The following IL2RA variants were observed in gnomAD, a reference collection of about 807,000 sequenced individuals.
IL2RA encodes the protein interleukin 2 receptor subunit alpha.
IL2RA carries 24 observed loss-of-function variants against 37.8 expected under a neutral mutation model. The ratio of observed to expected loss-of-function variants is 0.63; its 90% CI spans 0.46 to 0.89. The LOEUF is 0.89. Among genes scored for constraint, IL2RA ranks in the 40% least tolerant of loss-of-function variants. IL2RA has a pLI of 0.00. For synonymous variants in IL2RA, 125 were observed against 114.6 expected, an observed-to-expected ratio of 1.09 and a Z score of -0.58; for missense variants, 319 against 348.6, an observed-to-expected ratio of 0.92 and a Z score of 0.68.
In IL2RA at chr10:6,058,237, A is replaced by G. The variant is rs1237925671; in HGVS notation, c.64+3851T>C. 6.6e-6 allele frequency among the ~76,000 whole-genome samples: 1 copy of G among 152,174 alleles called. No individual in the cohort carries two copies. The highest frequency in any genetic ancestry group is 6.5e-5 in the Admixed American group (1 of 15,272). ...TCAGGGGAGTGGGGTGGAGTAGTGG[A>G]GTTTTAGAGCTCAGCAACCGTTCTA... On this transcript the variant is annotated intron_variant, in intron 1 of 7. Transcript: ENST00000379959. This position sits in a 1 kb window ranked among gnomAD's most constrained non-coding sequence, Gnocchi z 4.2.
chr10:6,053,432 C>A (rs1839994226), intron 1 of IL2RA, among the ~76,000 whole-genome samples: 1 of 152,152 alleles, frequency 6.6e-6, no homozygotes, highest in Admixed American at 6.5e-5. Flanking sequence ...AGCTAGTGTT[C>A]AAATGTTTTC....
intron 1 of IL2RA, among the ~76,000 whole-genome samples, chr10:6,031,266 G>C (rs993563770): frequency 6.6e-6 from 1 of 151,124 alleles, no homozygotes; most frequent in Non-Finnish European, 1.5e-5. Context: ...GAGAAAACAG[G>C]ATAGAAAAAG....
At chr10:6,042,148 C>CAAAAACAAAAAAAAAAAA (rs1839781822) in intron 1 of IL2RA, among the ~76,000 whole-genome samples, 1 of 54,132 alleles carries the variant, frequency 1.8e-5, no homozygotes, top group Non-Finnish European at 3.1e-5. Flanking sequence ...ATGTATTAAG[C>CAAAAACAAAAAAAAAAAA]AAAAAAAAAA....
Position 6,012,974 on chromosome 10 carries a change from C to T in IL2RA, c.795-78G>A, listed in dbSNP as rs1040915228. 5.8e-5 allele frequency: 77 copies of T among 1,322,714 alleles called. No homozygotes were observed. Among genetic ancestry groups the T allele is most frequent in the Non-Finnish European group, 7.9e-5 (72 of 914,704 alleles). 81.9% of individuals were successfully genotyped at this position (1,322,714 alleles called of 1,614,324 possible). A position where few individuals can be genotyped will look rare whatever the true frequency, so the allele number is the denominator to read the frequency against. ...ATGTGGTCCTCACTCTAAACCAGTG[C>T]ACACGCCACCATGCCTGGCTAATTT... On this transcript the variant is annotated intron_variant, in intron 7 of 7. Transcript: ENST00000379959. This position sits in a 1 kb window ranked among gnomAD's most constrained non-coding sequence, Gnocchi z 4.8.
At chr10:6,030,123 A>G (rs1446072107) in intron 1 of IL2RA, among the ~76,000 whole-genome samples, 1 of 152,252 alleles carries the variant, frequency 6.6e-6, no homozygotes, top group South Asian at 2.1e-4. Flanking sequence ...GAAATCTGAA[A>G]AAGAATGGAC....
intron 1 of IL2RA, among the ~76,000 whole-genome samples, chr10:6,031,348 A>G (rs1335691808): frequency 1.3e-5 from 2 of 150,472 alleles, no homozygotes; most frequent in South Asian, 2.1e-4. Context: ...ATTTCAAGAT[A>G]AGGAACATTA....
At chr10:6,024,467 T>C in intron 2 of IL2RA, 113 bp from the exon 3 acceptor site, 1 of 773,294 alleles carries the variant, frequency 1.3e-6, no homozygotes, top group Admixed American at 2.1e-5. Context: ...ACGATGTGTC[T>C]GGTGGTGTCT....
chr10:6,038,580 G>A (rs970541216), intron 1 of IL2RA, among the ~76,000 whole-genome samples: 7 of 152,324 alleles, frequency 4.6e-5, no homozygotes, highest in South Asian at 2.1e-4. Flanking sequence ...CAGGAGTCAC[G>A]TGAAAGTCTA....
At chr10:6,052,167 A>T (rs1261823179) in intron 1 of IL2RA, among the ~76,000 whole-genome samples, 1 of 152,110 alleles carries the variant, frequency 6.6e-6, no homozygotes, top group East Asian at 1.9e-4. Context: ...GAAGTTCAAA[A>T]TTAGTGGTGT....
At position 6,062,152 on chromosome 10, in the gene IL2RA, C is replaced by T. The variant is rs1397484733; in HGVS notation, c.-1G>A. On this transcript the variant is annotated 5_prime_UTR_variant, in exon 1 of 8. Transcript: ENST00000379959. Reference sequence around the variant, plus strand: ...CCCACATCAGCAGGTATGAATCCATCTTCCTGACCCTTGGGACCAGCCGGG... The same window carrying T: ...CCCACATCAGCAGGTATGAATCCATTTTCCTGACCCTTGGGACCAGCCGGG... 6.2e-7 allele frequency: 1 copy of T among 1,613,660 alleles called. No individual in the cohort carries two copies. The highest frequency in any genetic ancestry group is 8.5e-7 in the Non-Finnish European group (1 of 1,179,562).
At position 6,054,784 on chromosome 10, in the gene IL2RA, C is replaced by T. The variant is rs780081180; in HGVS notation, c.64+7304G>A. Among the ~76,000 whole-genome samples, 19 of 152,160 alleles carry T rather than the reference C, an allele frequency of 1.2e-4. No individual in the cohort carries two copies. Among genetic ancestry groups the T allele is most frequent in the Non-Finnish European group, 2.5e-4 (17 of 68,034 alleles). On this transcript the variant is annotated intron_variant, in intron 1 of 7. Transcript: ENST00000379959. The surrounding 1 kb of genome is among the most constrained non-coding windows in gnomAD (Gnocchi z 4.5). ...TTCTAGTTCTCCAGGTAGCATGTTA[C>T]TCTCCCTATTCTGATCATTTATGGC...
intron 1 of IL2RA, among the ~76,000 whole-genome samples, chr10:6,031,329 A>C (rs1839570936): frequency 6.6e-6 from 1 of 151,096 alleles, no homozygotes; most frequent in African/African-American, 2.4e-5. Flanking sequence ...TATTAATATC[A>C]GGAAGTAGAT....
Position 6,021,449 on chromosome 10 carries a change from T to A in IL2RA, c.583+29A>T, listed in dbSNP as rs776124635. ...GTCAGCCTGATGGAGCAAAGCAACA[T>A]TGTGGACCCCAGAAGGGAGCCACCC... is the stretch of plus-strand genomic sequence containing the variant. On this transcript the variant is annotated intron_variant, in intron 4 of 7. Coordinates refer to ENST00000379959, the MANE Select transcript of IL2RA (RefSeq NM_000417.3). The surrounding 1 kb of genome is among the most constrained non-coding windows in gnomAD (Gnocchi z 4.9). 1 of 1,583,872 alleles carries A rather than the reference T, an allele frequency of 6.3e-7. No individual in the cohort carries two copies. The highest frequency in any genetic ancestry group is 1.7e-5 in the Admixed American group (1 of 59,978).
At chr10:6,019,565 G>T (rs1839345577) in intron 5 of IL2RA, 66 bp from the exon 6 acceptor site, 4 of 1,208,022 alleles carry the variant, frequency 3.3e-6, no homozygotes, top group South Asian at 1.2e-5. Context: ...GAGGCTAAAG[G>T]AAGTCAGGGT....
At chr10:6,037,488 G>C (rs1480880336) in intron 1 of IL2RA, among the ~76,000 whole-genome samples, 1 of 152,164 alleles carries the variant, frequency 6.6e-6, no homozygotes, top group Non-Finnish European at 1.5e-5. Flanking sequence ...AGAACTTTAA[G>C]CTCTACTTGT....
chr10:6,060,235 G>A (rs546585553), intron 1 of IL2RA, among the ~76,000 whole-genome samples: 1 of 152,292 alleles, frequency 6.6e-6, no homozygotes, highest in Admixed American at 6.5e-5. Flanking sequence ...TATAAGAACG[G>A]CACGATGGAC....
In IL2RA at chr10:6,012,289, T is replaced by C. The variant is rs1445897036; in HGVS notation, c.*583A>G. 2 of 155,080 alleles carry C rather than the reference T, an allele frequency of 1.3e-5. No individual in the cohort carries two copies. The highest frequency in any genetic ancestry group is 2.4e-5 in the African/African-American group (1 of 41,456). 9.6% of individuals were successfully genotyped at this position (155,080 alleles called of 1,614,324 possible). On this transcript the variant is annotated 3_prime_UTR_variant, in exon 8 of 8. Coordinates refer to ENST00000379959, the MANE Select transcript of IL2RA (RefSeq NM_000417.3). The surrounding 1 kb of genome is among the most constrained non-coding windows in gnomAD (Gnocchi z 4.8). ...AGTAGAAGGGGGTTAGCTTAGAGGA[T>C]TGAGCCAAGGGTAAAATGATTTCTG...
At position 6,028,619 on chromosome 10, in the gene IL2RA, C is replaced by T. The variant is rs911274849; in HGVS notation, c.65-2594G>A. Among the ~76,000 whole-genome samples, 25 of 152,078 alleles carry T rather than the reference C, an allele frequency of 1.6e-4. No homozygotes were observed. The highest frequency in any genetic ancestry group is 5.6e-4 in the African/African-American group (23 of 41,410). On this transcript the variant is annotated intron_variant, in intron 1 of 7. Transcript: ENST00000379959. This position sits in a 1 kb window ranked among gnomAD's most constrained non-coding sequence, Gnocchi z 4.1. Reference sequence around the variant, plus strand: ...CTTTATAATGTATAGCTCATAATATCCAGCAAATTAAAAGAAAATCTAGAC... The same window carrying T: ...CTTTATAATGTATAGCTCATAATATTCAGCAAATTAAAAGAAAATCTAGAC...
intron 1 of IL2RA, among the ~76,000 whole-genome samples, chr10:6,027,124 C>T (rs1046341310): frequency 6.6e-6 from 1 of 152,110 alleles, no homozygotes; most frequent in African/African-American, 2.4e-5. Flanking sequence ...CAGTTCAAAA[C>T]CAGCCTGGCC....
Sources: gnomAD v4.1 joint callset for allele counts (sites outside exome capture counted in the v4.1 genomes callset) on GRCh38, gnomAD v4.1.1 for gene constraint, Gnocchi (gnomAD v3.1) non-coding constraint, MANE v1.5 for transcripts, NCBI Gene and HGNC (gene_info 2026-07-23, HGNC 2026-07-21) for gene names.